Variants in BTRC observed in about 807,000 individuals in gnomAD.
BTRC encodes beta-transducin repeat containing E3 ubiquitin protein ligase.
In BTRC, 42 loss-of-function variants were observed where a neutral mutation model predicts 85.5. The observed-to-expected ratio is 0.49, with a 90% confidence interval of 0.38 to 0.64. BTRC has a LOEUF of 0.64. Ranked by LOEUF, BTRC falls within the 30% of genes least tolerant of loss-of-function variation. The pLI, the probability that BTRC is intolerant of heterozygous loss-of-function variation, is 0.00. For missense variants in BTRC, 594 were observed against 743.5 expected, an observed-to-expected ratio of 0.80 and a Z score of 2.34; for synonymous variants, 255 against 263.3, an observed-to-expected ratio of 0.97 and a Z score of 0.30.
At chr10:101,508,689 C>T (rs1475727114) in intron 4 of BTRC, among the ~76,000 whole-genome samples, 5 of 151,998 alleles carry the variant, frequency 3.3e-5, no homozygotes, top group Non-Finnish European at 7.4e-5. Context: ...CCGAGGCGGG[C>T]AGATCACGAG....
Position 101,553,922 on chromosome 10 carries a change from A to G in BTRC, c.*799A>G, listed in dbSNP as rs989530567. 2 of 152,262 alleles carry G rather than the reference A, an allele frequency of 1.3e-5. No individual in the cohort carries two copies. Among genetic ancestry groups the G allele is most frequent in the African/African-American group, 4.9e-5 (2 of 41,224 alleles). 9.4% of individuals were successfully genotyped at this position (152,262 alleles called of 1,614,324 possible). A position where few individuals can be genotyped will look rare whatever the true frequency, so the allele number is the denominator to read the frequency against. On this transcript the variant is annotated 3_prime_UTR_variant, in exon 15 of 15. Transcript: ENST00000370187. ...GGAAGAGTTAAATGCTGTTCAGTGA[A>G]GATTTCAGCCCCAGGCCTTTGCTGC...
intron 1 of BTRC, among the ~76,000 whole-genome samples, chr10:101,424,931 G>GT (rs1209325475): frequency 6.6e-6 from 1 of 152,184 alleles, no homozygotes; most frequent in African/African-American, 2.4e-5. Context: ...CCCATAGGTA[G>GT]TTTTTTCAAG....
At chr10:101,522,712 T>C (rs1398798633) in intron 5 of BTRC, among the ~76,000 whole-genome samples, 2 of 151,794 alleles carry the variant, frequency 1.3e-5, no homozygotes, top group African/African-American at 2.4e-5. Flanking sequence ...TGAGCCACCG[T>C]ACCCAGCCAA....
At chr10:101,422,537 C>A (rs890855866) in intron 1 of BTRC, among the ~76,000 whole-genome samples, 6 of 152,268 alleles carry the variant, frequency 3.9e-5, no homozygotes, top group Admixed American at 3.9e-4. Flanking sequence ...ACATGAAGTC[C>A]TTGCCCATGC....
At chr10:101,370,173 A>G (rs558668672) in intron 1 of BTRC, among the ~76,000 whole-genome samples, 2 of 152,184 alleles carry the variant, frequency 1.3e-5, no homozygotes, top group Non-Finnish European at 2.9e-5. Context: ...GCTGCAGTGC[A>G]GTGGCACAAT....
chr10:101,359,112 T>C (rs1942127340), intron 1 of BTRC, among the ~76,000 whole-genome samples: 1 of 152,222 alleles, frequency 6.6e-6, no homozygotes, highest in Admixed American at 6.5e-5. Flanking sequence ...GATGTCACTG[T>C]TGACATAATA....
At chr10:101,549,656 G>T (rs1409815848) in intron 13 of BTRC, among the ~76,000 whole-genome samples, 3 of 139,224 alleles carry the variant, frequency 2.2e-5, no homozygotes, top group Admixed American at 1.5e-4. Flanking sequence ...AGAGCTTGCG[G>T]TGAGCTGAGA....
intron 1 of BTRC, among the ~76,000 whole-genome samples, chr10:101,386,896 T>C (rs1027110964): frequency 8.5e-5 from 13 of 152,220 alleles, no homozygotes; most frequent in African/African-American, 3.1e-4. Context: ...CTAGAGACTT[T>C]TTGAGTTTTG....
In BTRC at chr10:101,557,025, G is replaced by T. The variant is rs1404431493; in HGVS notation, c.*3902G>T. Reference sequence around the variant, plus strand: ...GGAAACTAACAGCTTTCTCAAAGCGGTGACCACTCAGGCCAGCCCAGACAA... The same window carrying T: ...GGAAACTAACAGCTTTCTCAAAGCGTTGACCACTCAGGCCAGCCCAGACAA... On this transcript the variant is annotated 3_prime_UTR_variant, in exon 15 of 15. Coordinates refer to ENST00000370187, the MANE Select transcript of BTRC (RefSeq NM_033637.4). 1.3e-5 allele frequency: 2 copies of T among 152,218 alleles called. No homozygotes were observed. Among genetic ancestry groups the T allele is most frequent in the Non-Finnish European group, 2.9e-5 (2 of 68,058 alleles). The allele number at this position is 152,218 out of a possible 1,614,324, so 9.4% of individuals were successfully genotyped here. A position where few individuals can be genotyped will look rare whatever the true frequency, so the allele number is the denominator to read the frequency against.
chr10:101,371,476 C>A (rs2134542836), intron 1 of BTRC, among the ~76,000 whole-genome samples: 1 of 152,302 alleles, frequency 6.6e-6, no homozygotes, highest in South Asian at 2.1e-4. Context: ...TGAGCCCAGC[C>A]TTCTATTTTT....
chr10:101,499,246 T>C (rs1344424161), intron 4 of BTRC, among the ~76,000 whole-genome samples: 2 of 152,076 alleles, frequency 1.3e-5, no homozygotes, highest in Non-Finnish European at 2.9e-5. Flanking sequence ...TATGCAGTAC[T>C]ACCTTTTTTT....
intron 5 of BTRC, among the ~76,000 whole-genome samples, chr10:101,523,878 A>G (rs2062154622): frequency 6.6e-6 from 1 of 152,118 alleles, no homozygotes; most frequent in Non-Finnish European, 1.5e-5. Flanking sequence ...AAATTTTTTC[A>G]TATTATAAAC....
chr10:101,383,032 A>C (rs2133963555), intron 1 of BTRC, among the ~76,000 whole-genome samples: 1 of 148,674 alleles, frequency 6.7e-6, no homozygotes, highest in Admixed American at 6.7e-5. Flanking sequence ...AATTCCCTGG[A>C]GGACTTGTTG....
intron 4 of BTRC, among the ~76,000 whole-genome samples, chr10:101,504,946 T>G (rs1002639783): frequency 6.6e-6 from 1 of 151,158 alleles, no homozygotes; most frequent in African/African-American, 2.4e-5. Flanking sequence ...TTAAAAAAAT[T>G]TTGTTTTCTT....
At chr10:101,532,750 ATGTGTGTGTGTG>A (rs71643587) in intron 8 of BTRC, among the ~76,000 whole-genome samples, 190 bp from the exon 9 acceptor site, 8 of 102,186 alleles carry the variant, frequency 7.8e-5, no homozygotes, top group Non-Finnish European at 1.1e-4. Flanking sequence ...CTGAAGCTAT[ATGTGTGTGTGTG>A]TGTGTGTGTG....
chr10:101,359,721 C>T (rs1415524469), intron 1 of BTRC, among the ~76,000 whole-genome samples: 1 of 151,962 alleles, frequency 6.6e-6, no homozygotes, highest in Non-Finnish European at 1.5e-5. Flanking sequence ...CTTCCTCAGC[C>T]TCCCCTGTAG....
chr10:101,427,103 T>C (rs1294319491), intron 1 of BTRC, among the ~76,000 whole-genome samples: 1 of 149,376 alleles, frequency 6.7e-6, no homozygotes, highest in Non-Finnish European at 1.5e-5. Flanking sequence ...TTTCCATTTC[T>C]TTTTTCTTTC....
chr10:101,368,464 CTTTTTTTTTTTTT>C (rs60190021), intron 1 of BTRC, among the ~76,000 whole-genome samples: 7 of 75,340 alleles, frequency 9.3e-5, no homozygotes, highest in Admixed American at 3.5e-4. Flanking sequence ...AACTGTTTTT[CTTTTTTTTTTTTT>C]TTTTTTTTTT....
chr10:101,480,633 G>A (rs1379178831), intron 4 of BTRC, among the ~76,000 whole-genome samples: 2 of 152,136 alleles, frequency 1.3e-5, no homozygotes, highest in Non-Finnish European at 2.9e-5. Flanking sequence ...TCAGACCATA[G>A]CAAAAGCAGA....
Sources: allele counts gnomAD v4.1 joint callset (sites outside exome capture counted in the v4.1 genomes callset), GRCh38; gene constraint gnomAD v4.1.1; transcripts MANE v1.5; gene names NCBI Gene and HGNC (gene_info 2026-07-23, HGNC 2026-07-21).